ROBO2: variants seen among roughly 807,000 people sequenced by gnomAD.
ROBO2 encodes roundabout homolog 2.
In ROBO2, 53 loss-of-function variants were observed where a neutral mutation model predicts 160.8. That is an observed-to-expected ratio of 0.33 (90% CI 0.26 to 0.41). The LOEUF is 0.41. Among genes scored for constraint, ROBO2 ranks in the 10% least tolerant of loss-of-function variants. ROBO2 has a pLI of 1.00. For missense variants in ROBO2, 1,577 were observed against 1,722.4 expected (o/e 0.92, Z 1.49); for synonymous variants, 664 against 611.7 (o/e 1.09, Z -1.26).
At chr3:77,272,393 C>T (rs1029464850) in intron 2 of ROBO2, among the ~76,000 whole-genome samples, 1 of 151,956 alleles carries the variant, frequency 6.6e-6, no homozygotes, top group African/African-American at 2.4e-5. Context: ...TCTTACATGG[C>T]AGGAGCAGGA....
intron 2 of ROBO2, among the ~76,000 whole-genome samples, chr3:77,212,244 A>G (rs1440776139): frequency 1.3e-5 from 2 of 152,072 alleles, no homozygotes; most frequent in African/African-American, 2.4e-5. Context: ...ATCGTCTTTT[A>G]TTTCACTGAG....
intron 2 of ROBO2, among the ~76,000 whole-genome samples, chr3:77,333,478 C>A (rs2153444850): frequency 6.6e-6 from 1 of 152,100 alleles, no homozygotes; most frequent in East Asian, 1.9e-4. Context: ...AAAATATATG[C>A]CTATATTTTT....
intron 2 of ROBO2, among the ~76,000 whole-genome samples, chr3:77,258,641 G>GAAAAAAAA (rs5850319): frequency 6.8e-6 from 1 of 147,768 alleles, no homozygotes; most frequent in African/African-American, 2.5e-5. Flanking sequence ...AAAAAAGGAA[G>GAAAAAAAA]AAAAAAAAAG....
intron 2 of ROBO2, among the ~76,000 whole-genome samples, chr3:76,593,515 T>G (rs1269781813): frequency 6.6e-6 from 1 of 152,034 alleles, no homozygotes; most frequent in African/African-American, 2.4e-5. Flanking sequence ...CACCTTGAAA[T>G]GAATGAGCAG....
intron 2 of ROBO2, among the ~76,000 whole-genome samples, chr3:76,363,601 C>T (rs1210857158): frequency 6.6e-6 from 1 of 152,010 alleles, no homozygotes; most frequent in Non-Finnish European, 1.5e-5. Context: ...ATGTTCTGCA[C>T]ATGATCCTTC....
chr3:77,022,443 G>A lies in ROBO2; in HGVS notation c.110-75571G>A, dbSNP rs145731320. Among the ~76,000 whole-genome samples, 339 of 152,260 alleles carry A rather than the reference G, an allele frequency of 2.2e-3. 3 individuals are homozygous for A. The highest frequency in any genetic ancestry group is 0.01 in the Middle Eastern group (3 of 294). The stretch of plus-strand genomic sequence containing the variant: ...AAAACCCAAACTGTTGTAGTGTTCC[G>A]TTATAGCAACAGAAAATATATTAAG... On this transcript the variant is annotated intron_variant, in intron 2 of 26. Coordinates refer to the ROBO2 transcript ENST00000487694.
intron 2 of ROBO2, among the ~76,000 whole-genome samples, chr3:76,278,120 A>G (rs773682345): frequency 6.6e-6 from 1 of 151,968 alleles, no homozygotes. Flanking sequence ...TTAAACTTGT[A>G]TGGTTTAATA....
At chr3:76,514,653 C>A (rs567759593) in intron 2 of ROBO2, among the ~76,000 whole-genome samples, 1 of 152,152 alleles carries the variant, frequency 6.6e-6, no homozygotes, top group African/African-American at 2.4e-5. Context: ...TAATCTTTTT[C>A]AACTTTTATT....
chr3:75,979,851 T>A (rs1455305135), intron 2 of ROBO2, among the ~76,000 whole-genome samples: 2 of 151,622 alleles, frequency 1.3e-5, no homozygotes, highest in Non-Finnish European at 1.5e-5. Context: ...TTTAATCCAA[T>A]ATTTAGGAAG....
At chr3:77,190,761 A>G (rs1243212734) in intron 2 of ROBO2, among the ~76,000 whole-genome samples, 1 of 152,048 alleles carries the variant, frequency 6.6e-6, no homozygotes, top group Non-Finnish European at 1.5e-5. Context: ...CTCCTGGTCT[A>G]TGAGGAATGT....
intron 2 of ROBO2, among the ~76,000 whole-genome samples, chr3:76,594,898 A>C (rs999969606): frequency 3.9e-5 from 6 of 152,040 alleles, no homozygotes; most frequent in African/African-American, 1.4e-4. Context: ...ACAATAATAA[A>C]GCTACGGACT....
chr3:76,968,063 T>C (rs2059396711), intron 2 of ROBO2, among the ~76,000 whole-genome samples: 1 of 152,186 alleles, frequency 6.6e-6, no homozygotes, highest in African/African-American at 2.4e-5. Context: ...TTTTGATATT[T>C]GGAGTGAATT....
In ROBO2 at chr3:76,169,250, G is replaced by C. The variant is rs541291630; in HGVS notation, c.109+231648G>C. Among the ~76,000 whole-genome samples, 3 of 152,132 alleles carry C rather than the reference G, an allele frequency of 2.0e-5. No homozygotes were observed. In the East Asian group the frequency reaches 5.8e-4, roughly 29 times the overall value. ...TAAATACACAGGTTGCTTACCATCA[G>C]CCAACTGGATAATCAAAGAAGTGTC... On this transcript the variant is annotated intron_variant, in intron 2 of 26. Transcript: ENST00000487694.
chr3:76,016,806 G>A (rs1296097571), intron 2 of ROBO2, among the ~76,000 whole-genome samples: 1 of 151,946 alleles, frequency 6.6e-6, no homozygotes, highest in Non-Finnish European at 1.5e-5. Flanking sequence ...TTAAATATGT[G>A]CCAGAAGACA....
At chr3:76,919,595 A>G (rs2076539475) in intron 2 of ROBO2, among the ~76,000 whole-genome samples, 1 of 152,182 alleles carries the variant, frequency 6.6e-6, no homozygotes, top group African/African-American at 2.4e-5. Context: ...ATAATTCAAA[A>G]CACTTGTTTA....
chr3:75,933,622 C>T (rs1347590799), intron 1 of ROBO2, among the ~76,000 whole-genome samples: 1 of 151,914 alleles, frequency 6.6e-6, no homozygotes, highest in East Asian at 1.9e-4. Context: ...ACATTACTTA[C>T]CTAGTTACAG....
intron 2 of ROBO2, among the ~76,000 whole-genome samples, chr3:77,296,920 G>A (rs897848516): frequency 2.6e-5 from 4 of 152,182 alleles, no homozygotes; most frequent in African/African-American, 9.6e-5. Context: ...CCACCACCTC[G>A]TGTGAAAAAT....
chr3:76,008,603 A>G (rs1239664673), intron 2 of ROBO2, among the ~76,000 whole-genome samples: 1 of 152,322 alleles, frequency 6.6e-6, no homozygotes, highest in Admixed American at 6.5e-5. Flanking sequence ...CCTAAACACA[A>G]AAGTCTCAAA....
chr3:76,711,847 C>T (rs1346409336), intron 2 of ROBO2, among the ~76,000 whole-genome samples: 4 of 152,150 alleles, frequency 2.6e-5, no homozygotes, highest in Admixed American at 6.6e-5. Flanking sequence ...TCACTTCTTC[C>T]TGGGAGCCAC....
Sources: allele counts gnomAD v4.1 joint callset (sites outside exome capture counted in the v4.1 genomes callset), GRCh38; gene constraint gnomAD v4.1.1; transcripts MANE v1.5; gene names NCBI Gene and HGNC (gene_info 2026-07-23, HGNC 2026-07-21).